ANK3: variants seen among roughly 807,000 people sequenced by gnomAD.
ANK3 encodes ankyrin 3.
A neutral mutation model predicts 370.9 loss-of-function variants in ANK3; 57 were observed. The observed-to-expected ratio is 0.15, with a 90% CI of 0.12 to 0.19. The LOEUF (loss-of-function observed/expected upper bound fraction) is 0.19, where lower values mean the gene tolerates loss of function less well. Ranked by LOEUF, ANK3 falls within the 10% of genes least tolerant of loss-of-function variation. The probability of loss-of-function intolerance (pLI) is 1.00; values close to 1 mark genes in which losing one functional copy is unlikely to be tolerated. For missense variants in ANK3, 4,439 were observed against 5,302.1 expected (o/e 0.84, Z 5.06); for synonymous variants, 1,929 against 1,946.3 (o/e 0.99, Z 0.23).
At chr10:60,519,156 AGCCCCTGGCCTAGACCCAAT>A (rs1223510948) in intron 2 of ANK3, among the ~76,000 whole-genome samples, 1 of 152,166 alleles carries the variant, frequency 6.6e-6, no homozygotes, top group Non-Finnish European at 1.5e-5. Flanking sequence ...AGCTGAGAGG[AGCCCCTGGCCTAGACCCAAT>A]GCCCCGGGTG....
At chr10:60,719,838 T>C (rs2079839087) in intron 1 of ANK3, among the ~76,000 whole-genome samples, 1 of 152,206 alleles carries the variant, frequency 6.6e-6, no homozygotes, top group Non-Finnish European at 1.5e-5. Context: ...AAAAAATATA[T>C]GGCATTGATT....
intron 9 of ANK3, among the ~76,000 whole-genome samples, chr10:60,212,505 C>A (rs1263827992): frequency 1.3e-5 from 2 of 151,986 alleles, no homozygotes; most frequent in African/African-American, 4.8e-5. Flanking sequence ...CTCAAAAGGC[C>A]AAGATGTCAT....
At chr10:60,546,973 A>G (rs1209545356) in intron 2 of ANK3, among the ~76,000 whole-genome samples, 3 of 152,180 alleles carry the variant, frequency 2.0e-5, no homozygotes, top group African/African-American at 7.2e-5. Context: ...GATTTGTCCA[A>G]GATCACACAG....
Position 60,071,252 on chromosome 10 carries a change from T to C in ANK3, c.9629A>G (p.Glu3210Gly). Residue 3210 changes from glutamate (E) to glycine (G), a missense_variant, in exon 37 of 44, where the codon GAG (glutamate) becomes GGG (glycine). Glu to Gly is a moderately conservative substitution (Grantham distance 98). Transcript: ENST00000280772. ...IPEVSEESEE[E>G]EQAKSTSLKQ... ...AAGGGAGGTTGACTTGGCCTGTTCC[T>C]CCTCCTCTGACTCCTCAGAAACCTC... 6.2e-7 allele frequency: 1 copy of C among 1,614,118 alleles called. No homozygotes were observed. Among genetic ancestry groups the C allele is most frequent in the Non-Finnish European group, 8.5e-7 (1 of 1,180,004 alleles).
intron 42 of ANK3, among the ~76,000 whole-genome samples, chr10:60,053,386 C>T (rs1398775150): frequency 6.6e-6 from 1 of 152,140 alleles, no homozygotes; most frequent in African/African-American, 2.4e-5. Flanking sequence ...CAAACACAAA[C>T]AACAAACCTA....
chr10:60,384,405 A>T (rs2061971406), intron 1 of ANK3, among the ~76,000 whole-genome samples: 1 of 152,236 alleles, frequency 6.6e-6, no homozygotes, highest in African/African-American at 2.4e-5. Context: ...AAAGTTTCAC[A>T]TGTCTAGAAA....
chr10:60,356,469 C>T (rs2057762095), intron 1 of ANK3, among the ~76,000 whole-genome samples: 1 of 152,188 alleles, frequency 6.6e-6, no homozygotes, highest in Non-Finnish European at 1.5e-5. Flanking sequence ...CATTCCAATT[C>T]CTCCCTTGGG....
chr10:60,055,699 T>G lies in ANK3; in HGVS notation c.13024A>C (p.Ser4342Arg), dbSNP rs775338026. ...TSPADGKPRL[S>R]LHEEEGSSGS... ...CTGGACCCCTCTTCTTCATGGAGGC[T>G]AAGCCTTGGCTTGCCATCTGCTGGA... is the stretch of plus-strand genomic sequence containing the variant. The change falls in exon 42 of 44, where the codon AGC becomes CGC. Residue 4342 changes from serine to arginine, a missense_variant. By Grantham distance (110) the Ser-to-Arg change is moderately radical. This residue lies in a region of ANK3 where 242 missense variants were observed against 228.0 expected (regional missense o/e 1.06). Coordinates refer to ENST00000280772, the MANE Select transcript of ANK3 (RefSeq NM_020987.5). 9 of 1,614,070 alleles carry G rather than the reference T, an allele frequency of 5.6e-6. No homozygotes were observed. Among genetic ancestry groups the G allele is most frequent in the South Asian group, 5.5e-5 (5 of 91,072 alleles).
chr10:60,368,136 C>T (rs10821744), intron 1 of ANK3, among the ~76,000 whole-genome samples: 56,376 of 151,862 alleles, frequency 0.37, 11,348 homozygotes, highest in Middle Eastern at 0.49. Context: ...ACAACCTTGC[C>T]TCTGAAATTT....
intron 1 of ANK3, among the ~76,000 whole-genome samples, chr10:60,304,130 G>C (rs915202499): frequency 2.0e-5 from 3 of 151,840 alleles, no homozygotes; most frequent in African/African-American, 7.3e-5. Context: ...TTGGTCAAGG[G>C]GTACAAAGTT....
chr10:60,187,827 T>C (rs770759017), intron 16 of ANK3, among the ~76,000 whole-genome samples: 1 of 152,128 alleles, frequency 6.6e-6, no homozygotes, highest in Non-Finnish European at 1.5e-5. Flanking sequence ...GTCTCATGTT[T>C]CTCTGTCTTG....
chr10:60,192,115 A>G (rs184259645), intron 16 of ANK3, among the ~76,000 whole-genome samples: 2 of 152,140 alleles, frequency 1.3e-5, no homozygotes, highest in East Asian at 3.9e-4. Context: ...GATGGTCTCC[A>G]TCTCCTGACC....
chr10:60,282,912 C>T (rs912343051), intron 1 of ANK3, among the ~76,000 whole-genome samples: 2 of 152,130 alleles, frequency 1.3e-5, no homozygotes, highest in Non-Finnish European at 2.9e-5. Flanking sequence ...TAGGAAGAGA[C>T]ATTACAAAGC....
At chr10:60,386,293 G>A (rs557642737) in intron 1 of ANK3, among the ~76,000 whole-genome samples, 4 of 152,028 alleles carry the variant, frequency 2.6e-5, no homozygotes, top group Middle Eastern at 3.2e-3. Flanking sequence ...CAGTGGGAAA[G>A]TATGGCTAAG....
intron 1 of ANK3, among the ~76,000 whole-genome samples, chr10:60,689,905 T>C (rs989012670): frequency 3.9e-5 from 6 of 152,168 alleles, no homozygotes; most frequent in African/African-American, 1.4e-4. Context: ...TATATGATGT[T>C]TGAAACATAT....
intron 2 of ANK3, among the ~76,000 whole-genome samples, chr10:60,465,328 T>C (rs1006308568): frequency 6.6e-6 from 1 of 152,136 alleles, no homozygotes; most frequent in African/African-American, 2.4e-5. Flanking sequence ...TACTGAGACT[T>C]GTGTAGGAAT....
intron 28 of ANK3, among the ~76,000 whole-genome samples, chr10:60,101,275 A>T (rs971971126): frequency 6.5e-4 from 99 of 152,200 alleles, no homozygotes; most frequent in African/African-American, 2.2e-3. Context: ...ACAGGGCAGG[A>T]CTAGAACATT....
intron 9 of ANK3, among the ~76,000 whole-genome samples, chr10:60,211,278 T>TAG (rs35616640): frequency 0.51 from 76,580 of 151,398 alleles, 20,552 homozygotes; most frequent in East Asian, 0.79. Context: ...GAAGGTGAAC[T>TAG]AGAGAGATTC....
chr10:60,339,341 G>A (rs987725510), intron 1 of ANK3, among the ~76,000 whole-genome samples: 4 of 152,096 alleles, frequency 2.6e-5, no homozygotes, highest in Non-Finnish European at 5.9e-5. Flanking sequence ...TCTGAGGAAA[G>A]GATGGATACC....
Sources: gnomAD v4.1 joint callset for allele counts (sites outside exome capture counted in the v4.1 genomes callset) on GRCh38, gnomAD v4.1.1 for gene constraint, gnomAD v4.1.1 regional missense constraint, MANE v1.5 for transcripts, NCBI Gene and HGNC (gene_info 2026-07-23, HGNC 2026-07-21) for gene names.